Variants in MTUS2 observed in about 807,000 individuals in gnomAD.
MTUS2 encodes microtubule associated scaffold protein 2.
A neutral mutation model predicts 114.1 loss-of-function variants in MTUS2; 40 were observed. That is an observed-to-expected ratio of 0.35 (90% CI 0.27 to 0.46). The LOEUF is 0.46. MTUS2 is among the 20% of genes least tolerant of loss of function. The probability of loss-of-function intolerance (pLI) is 1.00; values close to 1 mark genes in which losing one functional copy is unlikely to be tolerated. For synonymous variants in MTUS2, 688 were observed against 672.0 expected (o/e 1.02, Z -0.37); for missense variants, 1,679 against 1,705.4 (o/e 0.98, Z 0.27).
chr13:29,130,556 T>C (rs1184412132), intron 5 of MTUS2, among the ~76,000 whole-genome samples: 1 of 152,236 alleles, frequency 6.6e-6, no homozygotes, highest in Admixed American at 6.5e-5. Flanking sequence ...CTTCTATTTT[T>C]TTCTTGCACT....
intron 9 of MTUS2, among the ~76,000 whole-genome samples, chr13:29,445,723 G>C (rs112963918): frequency 0.07 from 10,520 of 150,416 alleles, 417 homozygotes; most frequent in African/African-American, 0.11. Flanking sequence ...CCTGGCCATG[G>C]CGAACCCCAT....
rs1316723036 is a variant in MTUS2 at position 29,147,186 on chromosome 13, CTATGATATGAATGAGGT to C, written c.2644+46219_2644+46235del. 1.1e-4 allele frequency among the ~76,000 whole-genome samples: 16 copies of C among 152,194 alleles called. No individual in the cohort carries two copies. The East Asian group carries it at 2.5e-3, about 24-fold the overall frequency. On this transcript the variant is annotated intron_variant, in intron 5 of 15. Coordinates refer to ENST00000612955, the MANE Select transcript of MTUS2 (RefSeq NM_001033602.4). ...AGGAGATAACGTTCATTTGCCAAGG[CTATGATATGAATGAGGT>C]TAAATTCATTGTTGGAACCTCCCAA...
chr13:29,405,931 G>T (rs879304228), intron 8 of MTUS2, among the ~76,000 whole-genome samples: 3 of 151,868 alleles, frequency 2.0e-5, no homozygotes, highest in African/African-American at 7.3e-5. Flanking sequence ...AGTAGAGACG[G>T]GGTTTCACCA....
chr13:29,105,649 G>GTTT (rs71090225), intron 5 of MTUS2, among the ~76,000 whole-genome samples: 991 of 96,562 alleles, frequency 0.01, 15 homozygotes, highest in African/African-American at 0.031. Flanking sequence ...TTTTTCTCCT[G>GTTT]TTTTTTTCTT....
chr13:29,251,530 T>C (rs1230289054), intron 5 of MTUS2, among the ~76,000 whole-genome samples: 1 of 152,146 alleles, frequency 6.6e-6, no homozygotes, highest in African/African-American at 2.4e-5. Flanking sequence ...GACGTTCTCA[T>C]CATCCAAAAC....
intron 8 of MTUS2, among the ~76,000 whole-genome samples, chr13:29,389,321 A>ACATGTGTG: frequency 1.8e-5 from 1 of 54,826 alleles, no homozygotes; most frequent in East Asian, 4.9e-4. Flanking sequence ...ATGTATACAC[A>ACATGTGTG]TATGTGTGTA....
intron 8 of MTUS2, among the ~76,000 whole-genome samples, chr13:29,411,505 T>C (rs1875238145): frequency 6.6e-6 from 1 of 152,238 alleles, no homozygotes; most frequent in Admixed American, 6.5e-5. Context: ...CTGATAGATC[T>C]AGACCCTCTG....
Position 28,879,324 on chromosome 13 carries a change from G to T in MTUS2, c.-243+39474G>T, listed in dbSNP as rs953829111. Among the ~76,000 whole-genome samples the T allele has an allele frequency of 3.9e-5, 6 of 152,256 alleles. No individual in the cohort carries two copies. In the South Asian group the frequency reaches 8.3e-4, roughly 21 times the overall value. ...AATATGTTTTCCTTAAGTGCCTGCTGGTGGATAGGAAAACTCAAGTGAGAA... is the reference window on the plus strand; with the variant it reads ...AATATGTTTTCCTTAAGTGCCTGCTTGTGGATAGGAAAACTCAAGTGAGAA... On this transcript the variant is annotated intron_variant, in intron 2 of 15. Coordinates refer to ENST00000612955, the MANE Select transcript of MTUS2 (RefSeq NM_001033602.4).
intron 8 of MTUS2, among the ~76,000 whole-genome samples, chr13:29,384,651 A>G (rs1205290261): frequency 6.6e-6 from 1 of 152,176 alleles, no homozygotes; most frequent in Non-Finnish European, 1.5e-5. Context: ...AGTCCTGACA[A>G]CAGCTTGGGT....
chr13:29,478,012 C>T (rs149316334), intron 9 of MTUS2, among the ~76,000 whole-genome samples: 1,537 of 152,278 alleles, frequency 0.01, 27 homozygotes, highest in African/African-American at 0.035. Flanking sequence ...GCCAAACAGG[C>T]ATAAGCTCAA....
intron 5 of MTUS2, among the ~76,000 whole-genome samples, chr13:29,168,563 C>G (rs1893414793): frequency 6.6e-6 from 1 of 152,174 alleles, no homozygotes; most frequent in Non-Finnish European, 1.5e-5. Context: ...TCAGAAATCT[C>G]TCTCTATGGC....
chr13:29,177,095 T>A (rs1231866653), intron 5 of MTUS2, among the ~76,000 whole-genome samples: 2 of 151,132 alleles, frequency 1.3e-5, no homozygotes, highest in African/African-American at 4.9e-5. Context: ...TGGCCACCCA[T>A]GTTGGTGCAG....
chr13:29,256,853 C>A (rs566943116), intron 5 of MTUS2, among the ~76,000 whole-genome samples: 1 of 152,160 alleles, frequency 6.6e-6, no homozygotes, highest in Non-Finnish European at 1.5e-5. Flanking sequence ...ATATCTCAAC[C>A]GTTAAAACCT....
At chr13:29,226,364 G>A (rs1350255831) in intron 5 of MTUS2, among the ~76,000 whole-genome samples, 1 of 152,084 alleles carries the variant, frequency 6.6e-6, no homozygotes, top group East Asian at 1.9e-4. Context: ...TCAAGAGAAG[G>A]GGATGACAGC....
intron 6 of MTUS2, among the ~76,000 whole-genome samples, chr13:29,289,346 A>G (rs1181250627): frequency 6.6e-6 from 1 of 152,236 alleles, no homozygotes; most frequent in Non-Finnish European, 1.5e-5. Context: ...ATCAACATTA[A>G]GGAATCTTTT....
chr13:28,945,576 G>T (rs1373154215), intron 2 of MTUS2, among the ~76,000 whole-genome samples: 1 of 152,136 alleles, frequency 6.6e-6, no homozygotes, highest in Middle Eastern at 3.2e-3. Context: ...CTGATGATTA[G>T]TGACGTCCAA....
intron 5 of MTUS2, among the ~76,000 whole-genome samples, chr13:29,180,780 C>A (rs1056056394): frequency 6.6e-6 from 1 of 152,150 alleles, no homozygotes; most frequent in Non-Finnish European, 1.5e-5. Context: ...TTGGCTCTTA[C>A]AAGTGGGACA....
intron 2 of MTUS2, among the ~76,000 whole-genome samples, chr13:28,856,266 A>G (rs1876622188): frequency 6.6e-6 from 1 of 152,222 alleles, no homozygotes; most frequent in South Asian, 2.1e-4. Flanking sequence ...GCAAAGCTGG[A>G]CACATTGCAC....
chr13:29,183,989 T>TA (rs1894115752), intron 5 of MTUS2, among the ~76,000 whole-genome samples: 1 of 152,334 alleles, frequency 6.6e-6, no homozygotes, highest in African/African-American at 2.4e-5. Flanking sequence ...CCTATTTACT[T>TA]ACCATCTAGA....
Sources: allele counts gnomAD v4.1 joint callset (sites outside exome capture counted in the v4.1 genomes callset), GRCh38; gene constraint gnomAD v4.1.1; transcripts MANE v1.5; gene names NCBI Gene and HGNC (gene_info 2026-07-23, HGNC 2026-07-21).